Variants in FAT3 observed in about 807,000 individuals in gnomAD.
FAT3 encodes protocadherin Fat 3.
In FAT3, 95 loss-of-function variants were observed where a neutral mutation model predicts 310.2. The ratio of observed to expected loss-of-function variants is 0.31; its 90% confidence interval spans 0.26 to 0.36. The LOEUF (loss-of-function observed/expected upper bound fraction) is 0.36. Among genes scored for constraint, FAT3 ranks in the 10% least tolerant of loss-of-function variants. The probability of loss-of-function intolerance (pLI) is 1.00; values close to 1 mark genes in which losing one functional copy is unlikely to be tolerated. For synonymous variants in FAT3, 2,314 were observed against 2,192.9 expected (o/e 1.06, Z -1.54); for missense variants, 5,408 against 5,715.6 (o/e 0.95, Z 1.74).
intron 3 of FAT3, among the ~76,000 whole-genome samples, chr11:92,583,086 C>CA (rs5793610): frequency 0.3 from 43,562 of 143,904 alleles, 9,205 homozygotes; most frequent in African/African-American, 0.6. Context: ...ATATTTTTTT[C>CA]AAAAAAAAAA....
chr11:92,854,433 C>T (rs1261035315), intron 19 of FAT3, among the ~76,000 whole-genome samples: 1 of 152,128 alleles, frequency 6.6e-6, no homozygotes, highest in Non-Finnish European at 1.5e-5. Context: ...CCCACCAGCC[C>T]CGTGGAGCAT....
chr11:92,807,146 A>G (rs1462472208), intron 12 of FAT3, among the ~76,000 whole-genome samples: 1 of 152,176 alleles, frequency 6.6e-6, no homozygotes, highest in Non-Finnish European at 1.5e-5. Context: ...AGACAAATGC[A>G]TTTCTTTTGG....
At chr11:92,324,612 C>A (rs986289146) in intron 1 of FAT3, among the ~76,000 whole-genome samples, 1 of 152,112 alleles carries the variant, frequency 6.6e-6, no homozygotes, top group African/African-American at 2.4e-5. Flanking sequence ...ACCACCCTAA[C>A]AGATATAATA....
chr11:92,743,948 A>G lies in FAT3; in HGVS notation c.3670-17908A>G, dbSNP rs1945579571. On this transcript the variant is annotated intron_variant, in intron 4 of 27. Coordinates refer to ENST00000525166, the MANE Select transcript of FAT3 (RefSeq NM_001367949.2). ...TCCCACCAGGAAGAAGGCTCCTACC[A>G]GATGCATCCCTCAACCTTGGACTTC... 3.3e-5 allele frequency among the ~76,000 whole-genome samples: 5 copies of G among 152,184 alleles called. No homozygotes were observed. The South Asian group carries it at 1.0e-3, about 31-fold the overall frequency.
chr11:92,552,202 T>G (rs1340054933), intron 3 of FAT3, among the ~76,000 whole-genome samples: 1 of 152,212 alleles, frequency 6.6e-6, no homozygotes, highest in Non-Finnish European at 1.5e-5. Flanking sequence ...AATTTCTGCC[T>G]TCTCAGCATC....
intron 1 of FAT3, among the ~76,000 whole-genome samples, chr11:92,322,410 T>C (rs1291886135): frequency 6.6e-6 from 1 of 152,240 alleles, no homozygotes; most frequent in African/African-American, 2.4e-5. Context: ...TGCTGCTGAC[T>C]AATCAGAGTG....
intron 1 of FAT3, among the ~76,000 whole-genome samples, chr11:92,294,382 C>T (rs1219675163): frequency 6.6e-6 from 1 of 152,010 alleles, no homozygotes; most frequent in Non-Finnish European, 1.5e-5. Context: ...AAGGGACACA[C>T]ACATTCAGTC....
chr11:92,562,203 T>A (rs1283881995), intron 3 of FAT3, among the ~76,000 whole-genome samples: 1 of 152,190 alleles, frequency 6.6e-6, no homozygotes, highest in Non-Finnish European at 1.5e-5. Flanking sequence ...CTTGGGTGTT[T>A]ATATTCATAT....
intron 4 of FAT3, among the ~76,000 whole-genome samples, chr11:92,722,686 A>G (rs1480371898): frequency 6.6e-6 from 1 of 152,174 alleles, no homozygotes; most frequent in Non-Finnish European, 1.5e-5. Flanking sequence ...ACACCCAGGC[A>G]TTTCTCTATA....
intron 3 of FAT3, among the ~76,000 whole-genome samples, chr11:92,621,730 G>T (rs928510480): frequency 6.6e-5 from 10 of 152,096 alleles, no homozygotes; most frequent in Admixed American, 3.9e-4. Flanking sequence ...GATTCCTAAG[G>T]CCTGTTATTT....
At chr11:92,440,497 A>AGT (rs1482424875) in intron 2 of FAT3, among the ~76,000 whole-genome samples, 10 of 152,158 alleles carry the variant, frequency 6.6e-5, no homozygotes, top group African/African-American at 2.4e-4. Context: ...GAATAGTCAG[A>AGT]GTGTGCTTCT....
At chr11:92,301,314 C>A (rs1194975435) in intron 1 of FAT3, among the ~76,000 whole-genome samples, 1 of 152,126 alleles carries the variant, frequency 6.6e-6, no homozygotes, top group East Asian at 1.9e-4. Context: ...AAAGAAAGGG[C>A]ACTACAGTGG....
chr11:92,891,132 T>C lies in FAT3; in HGVS notation c.*19T>C, dbSNP rs1239405049. On this transcript the variant is annotated 3_prime_UTR_variant, in exon 28 of 28. Transcript: ENST00000525166. ...AGTGTAGACATCACATCTTGGGTAC[T>C]TCACCCTGTTTGTTACAGAAAAGTG... 6.2e-6 allele frequency: 10 copies of C among 1,607,070 alleles called. No homozygotes were observed. Among genetic ancestry groups the C allele is most frequent in the Non-Finnish European group, 8.5e-6 (10 of 1,176,048 alleles).
chr11:92,415,566 G>C lies in FAT3; in HGVS notation c.3292+60162G>C, dbSNP rs1469109321. On this transcript the variant is annotated intron_variant, in intron 2 of 27. Coordinates refer to ENST00000525166, the MANE Select transcript of FAT3 (RefSeq NM_001367949.2). ...GACTGTACTCTACCTCTATGCTTCA[G>C]ATGCCAGTGGCTGTGGTTTAAGAAG... Among the ~76,000 whole-genome samples, 6 of 152,140 alleles carry C rather than the reference G, an allele frequency of 3.9e-5. No homozygotes were observed. The East Asian group carries it at 9.7e-4, about 24-fold the overall frequency.
At chr11:92,682,218 T>A (rs192213282) in intron 3 of FAT3, among the ~76,000 whole-genome samples, 11 of 152,322 alleles carry the variant, frequency 7.2e-5, no homozygotes, top group Admixed American at 7.2e-4. Context: ...TAGCAACTTA[T>A]AGTAATTTAG....
Position 92,486,287 on chromosome 11 carries a change from C to T in FAT3, c.3293-38347C>T, listed in dbSNP as rs146519245. On this transcript the variant is annotated intron_variant, in intron 2 of 27. Coordinates refer to ENST00000525166, the MANE Select transcript of FAT3 (RefSeq NM_001367949.2). Reference sequence around the variant, plus strand: ...CTGTGTATTAACACTCTCTGAACTACGTGTTCTGCCTGTTTTTTTACTAAA... The same window carrying T: ...CTGTGTATTAACACTCTCTGAACTATGTGTTCTGCCTGTTTTTTTACTAAA... 4.3e-4 allele frequency among the ~76,000 whole-genome samples: 65 copies of T among 151,568 alleles called. 1 individual carries two copies. In the East Asian group the frequency reaches 0.012, roughly 27 times the overall value.
At chr11:92,645,771 A>T (rs185421306) in intron 3 of FAT3, among the ~76,000 whole-genome samples, 41 of 152,316 alleles carry the variant, frequency 2.7e-4, no homozygotes, top group African/African-American at 9.6e-4. Flanking sequence ...AGTATTTAAT[A>T]ACATTATTTG....
intron 3 of FAT3, among the ~76,000 whole-genome samples, chr11:92,549,398 GATTT>G (rs1565402620): frequency 2.6e-5 from 4 of 152,136 alleles, no homozygotes. Context: ...GGAAATTAAG[GATTT>G]ATTTTTCACT....
At chr11:92,457,784 C>T (rs1398062492) in intron 2 of FAT3, among the ~76,000 whole-genome samples, 1 of 151,964 alleles carries the variant, frequency 6.6e-6, no homozygotes, top group African/African-American at 2.4e-5. Flanking sequence ...TAGCCCGGTA[C>T]GGTGGCGTGC....
Sources: allele counts gnomAD v4.1 joint callset (sites outside exome capture counted in the v4.1 genomes callset), GRCh38; gene constraint gnomAD v4.1.1; transcripts MANE v1.5; gene names NCBI Gene and HGNC (gene_info 2026-07-23, HGNC 2026-07-21).